Variants in NDRG4 observed in about 807,000 individuals in gnomAD.
NDRG4 encodes NDRG family member 4.
In NDRG4, 38 loss-of-function variants were observed where a neutral mutation model predicts 55.8. The observed-to-expected ratio is 0.68, with a 90% CI of 0.53 to 0.89. The LOEUF (loss-of-function observed/expected upper bound fraction) is 0.89. Among genes scored for constraint, NDRG4 ranks in the 40% least tolerant of loss-of-function variants. The pLI, the probability that NDRG4 is intolerant of heterozygous loss-of-function variation, is 0.00. For synonymous variants in NDRG4, 190 were observed against 182.7 expected, an observed-to-expected ratio of 1.04 and a Z score of -0.32; for missense variants, 455 against 468.6, an observed-to-expected ratio of 0.97 and a Z score of 0.27.
chr16:58,497,563 T>C (rs1007437684), upstream of NDRG4, among the ~76,000 whole-genome samples: 1 of 17,676 alleles, frequency 5.7e-5, no homozygotes, highest in Admixed American at 6.7e-4. Flanking sequence ...ATGAGGATTA[T>C]ATGTATTATC....
chr16:58,506,846 C>A, intron 7 of NDRG4, 66 bp from the exon 8 acceptor site: 2 of 1,451,054 alleles, frequency 1.4e-6, no homozygotes, highest in Non-Finnish European at 1.9e-6. Flanking sequence ...CATCTGCCAG[C>A]CCCCTCTAAG....
rs1322746563 is a variant in NDRG4, at chr16:58,511,980, T to G, written c.*404T>G. 2.2e-5 allele frequency: 10 copies of G among 461,464 alleles called. No homozygotes were observed. In the Admixed American group the frequency reaches 2.4e-4, roughly 11 times the overall value. 28.6% of individuals were successfully genotyped at this position (461,464 alleles called of 1,614,324 possible). On this transcript the variant is annotated 3_prime_UTR_variant, in exon 15 of 15. Transcript: ENST00000570248. Reference sequence around the variant, plus strand: ...AGGGGTGCGGGGCCAGCTCAGGCACTGGCGTGGGAGCCCTGGGAGACCCCT... The same window carrying G: ...AGGGGTGCGGGGCCAGCTCAGGCACGGGCGTGGGAGCCCTGGGAGACCCCT...
intron 1 of NDRG4, chr16:58,500,489 A>T: frequency 2.3e-5 from 7 of 310,922 alleles, no homozygotes; most frequent in East Asian, 1.1e-4. Flanking sequence ...CAGAGCCCAT[A>T]GCAGGGGCTG....
At chr16:58,487,894 C>T in intron 2 of NDRG4, 1 of 1,425,200 alleles carries the variant, frequency 7.0e-7, no homozygotes, top group Non-Finnish European at 9.4e-7. Context: ...CCGAGCGCGC[C>T]ACCTCGTGGC....
intron 1 of NDRG4, among the ~76,000 whole-genome samples, chr16:58,469,642 C>T (rs999032169): frequency 2.0e-5 from 3 of 152,132 alleles, no homozygotes; most frequent in Non-Finnish European, 4.4e-5. Flanking sequence ...TGCATTCATA[C>T]CAGAGAACCC....
chr16:58,502,054 TCTC>T, intron 1 of NDRG4: 3 of 455,580 alleles, frequency 6.6e-6, no homozygotes, highest in South Asian at 4.6e-5. Flanking sequence ...TGGAACCTGA[TCTC>T]CTGTGAACAT....
upstream of NDRG4, among the ~76,000 whole-genome samples, chr16:58,496,628 T>C (rs527845179): frequency 2.2e-3 from 338 of 152,206 alleles, 1 homozygote; most frequent in Admixed American, 5.4e-3. Flanking sequence ...TCCAAGCATG[T>C]GACCTCCAGC....
rs140159670 is a variant in NDRG4 at position 58,488,393 on chromosome 16, G to T, written c.72+543G>T. On this transcript the variant is annotated intron_variant, in intron 2 of 15. Coordinates refer to the NDRG4 transcript ENST00000258187. ...GGGACAAGGCATTAGAGGCCAGAGT[G>T]ACTTTCATGCCACCCTTTTTTGTTG... Among the ~76,000 whole-genome samples, 390 of 152,322 alleles carry T rather than the reference G, an allele frequency of 2.6e-3. 3 individuals are homozygous for T. Among genetic ancestry groups the T allele is most frequent in the African/African-American group, 8.9e-3 (371 of 41,582 alleles).
intron 1 of NDRG4, among the ~76,000 whole-genome samples, chr16:58,472,985 G>A (rs903927213): frequency 6.6e-6 from 1 of 152,094 alleles, no homozygotes; most frequent in Non-Finnish European, 1.5e-5. Context: ...TCAGTGCTGG[G>A]ACATCTTCTT....
intron 1 of NDRG4, among the ~76,000 whole-genome samples, chr16:58,483,149 A>G (rs1396538088): frequency 6.6e-6 from 1 of 152,110 alleles, no homozygotes; most frequent in Non-Finnish European, 1.5e-5. Context: ...CTCCCGATTC[A>G]GCAATTGCTT....
At chr16:58,509,961 A>C (rs944027981) in intron 13 of NDRG4, among the ~76,000 whole-genome samples, 7 of 151,372 alleles carry the variant, frequency 4.6e-5, no homozygotes, top group African/African-American at 9.7e-5. Flanking sequence ...CACACACACA[A>C]CACACCCCTT....
At chr16:58,475,261 T>C (rs2033458921) in intron 1 of NDRG4, among the ~76,000 whole-genome samples, 1 of 152,212 alleles carries the variant, frequency 6.6e-6, no homozygotes, top group Admixed American at 6.5e-5. Context: ...AAAGTGCCAG[T>C]TGCTTTTAAC....
In NDRG4 at chr16:58,507,944, G is replaced by C. The variant is rs756340210; in HGVS notation, c.678-4G>C. The C allele has an allele frequency of 1.2e-6, 2 of 1,608,722 alleles. No individual in the cohort carries two copies. The highest frequency in any genetic ancestry group is 2.2e-5 in the South Asian group (2 of 90,748). ...CAGACAGCCCTTTTCCTCTGTATCT[G>C]CAGCTGCCCCGTGATGCTGGTGGTT... On this transcript the variant is annotated splice_polypyrimidine_tract_variant and splice_region_variant and intron_variant, in intron 9 of 14. Transcript: ENST00000570248.
At chr16:58,465,676 A>G (rs1030469159) in intron 1 of NDRG4, among the ~76,000 whole-genome samples, 2 of 152,144 alleles carry the variant, frequency 1.3e-5, no homozygotes, top group Non-Finnish European at 2.9e-5. Context: ...AGGCCAGAGG[A>G]TCGCTTAAGG....
At chr16:58,504,096 C>A in intron 2 of NDRG4, 58 bp from the exon 3 acceptor site, 1 of 1,606,710 alleles carries the variant, frequency 6.2e-7, no homozygotes, top group East Asian at 2.2e-5. Flanking sequence ...GGGGGCCCGG[C>A]CTTCCTTCCA....
At chr16:58,515,333 C>T (rs1310505674), downstream of NDRG4, 2 of 583,366 alleles carry the variant, frequency 3.4e-6, no homozygotes, top group African/African-American at 4.0e-5. Context: ...GACTCTCCTT[C>T]TGCACTCGCA....
At chr16:58,510,276 C>T (rs568245680) in intron 13 of NDRG4, among the ~76,000 whole-genome samples, 4 of 152,212 alleles carry the variant, frequency 2.6e-5, no homozygotes, top group South Asian at 2.1e-4. Context: ...CATTGTCAGG[C>T]GCTGAGACGC....
intron 2 of NDRG4, among the ~76,000 whole-genome samples, chr16:58,491,127 T>G (rs553591503): frequency 6.6e-6 from 1 of 151,216 alleles, no homozygotes; most frequent in South Asian, 2.1e-4. Flanking sequence ...AAATACAAAA[T>G]TAGCCAGATG....
At chr16:58,502,016 G>A (rs2037213709) in intron 1 of NDRG4, 1 of 455,850 alleles carries the variant, frequency 2.2e-6, no homozygotes, top group Non-Finnish European at 4.4e-6. Context: ...GGCTGTGAAA[G>A]GGCTGCCTGG....
Sources: gnomAD v4.1 joint callset for allele counts (sites outside exome capture counted in the v4.1 genomes callset) on GRCh38, gnomAD v4.1.1 for gene constraint, MANE v1.5 for transcripts, NCBI Gene and HGNC (gene_info 2026-07-23, HGNC 2026-07-21) for gene names.